AK8: variants seen among roughly 807,000 people sequenced by gnomAD.
AK8 encodes ATP-AMP transphosphorylase 8.
AK8 carries 44 observed loss-of-function variants against 54.6 expected under a neutral mutation model. That is an observed-to-expected ratio of 0.81 (90% CI 0.63 to 1.04). The LOEUF (loss-of-function observed/expected upper bound fraction) is 1.04. Ranked by LOEUF, AK8 falls within the 50% of genes least tolerant of loss-of-function variation. AK8 has a pLI of 0.00. For synonymous variants in AK8, 239 were observed against 245.6 expected, an observed-to-expected ratio of 0.97 and a Z score of 0.25; for missense variants, 555 against 613.6, an observed-to-expected ratio of 0.90 and a Z score of 1.01.
chr9:132,871,565 G>A (rs1843833385), intron 2 of AK8, among the ~76,000 whole-genome samples: 1 of 152,222 alleles, frequency 6.6e-6, no homozygotes, highest in Non-Finnish European at 1.5e-5. Context: ...AGAGCATCCG[G>A]GCAAAAAGCT....
intron 11 of AK8, among the ~76,000 whole-genome samples, chr9:132,734,806 G>T (rs999265067): frequency 6.6e-6 from 1 of 152,102 alleles, no homozygotes; most frequent in Admixed American, 6.5e-5. Flanking sequence ...GAGATGGACG[G>T]ATCACCTGAG....
chr9:132,851,185 G>A (rs1385167284), intron 5 of AK8, among the ~76,000 whole-genome samples: 1 of 152,202 alleles, frequency 6.6e-6, no homozygotes, highest in Admixed American at 6.5e-5. Flanking sequence ...ACCTCTGTGG[G>A]GTTTTTCTTT....
intron 11 of AK8, among the ~76,000 whole-genome samples, chr9:132,776,586 G>C (rs1839229868): frequency 6.6e-6 from 1 of 152,236 alleles, no homozygotes. Flanking sequence ...AGCTGTGCCA[G>C]CAGAGCTCTG....
intron 2 of AK8, among the ~76,000 whole-genome samples, chr9:132,872,204 C>G (rs1843870818): frequency 6.6e-6 from 1 of 152,030 alleles, no homozygotes; most frequent in Admixed American, 6.5e-5. Context: ...GGCGCAGTAG[C>G]ATGCACCTGT....
At chr9:132,857,595 GC>G (rs1843225003) in intron 4 of AK8, among the ~76,000 whole-genome samples, 1 of 152,062 alleles carries the variant, frequency 6.6e-6, no homozygotes, top group African/African-American at 2.4e-5. Flanking sequence ...CCCAGGCACA[GC>G]CAATTTCCAT....
chr9:132,796,447 A>T (rs1343967678), intron 10 of AK8, among the ~76,000 whole-genome samples: 1 of 152,224 alleles, frequency 6.6e-6, no homozygotes, highest in Non-Finnish European at 1.5e-5. Flanking sequence ...ATTTCTAAGA[A>T]CTTGAACCTA....
intron 11 of AK8, among the ~76,000 whole-genome samples, chr9:132,768,382 C>A (rs1838811910): frequency 6.6e-6 from 1 of 152,018 alleles, no homozygotes; most frequent in Non-Finnish European, 1.5e-5. Flanking sequence ...ATGCTCCTGC[C>A]TCAGTCTCCC....
Position 132,878,048 on chromosome 9 carries a change from G to C in AK8, c.84+124C>G, listed in dbSNP as rs1362622915. ...CGGCGACACACGAATCGTACATCCCGAGTTGGGCTGCTTCGTGGGCGCGCG... is the reference window on the plus strand; with the variant it reads ...CGGCGACACACGAATCGTACATCCCCAGTTGGGCTGCTTCGTGGGCGCGCG... On this transcript the variant is annotated intron_variant, in intron 1 of 12. Transcript: ENST00000298545. This position sits in a 1 kb window ranked among gnomAD's most constrained non-coding sequence, Gnocchi z 4.7. The C allele has an allele frequency of 2.6e-6, 4 of 1,537,512 alleles. No individual in the cohort carries two copies. The highest frequency in any genetic ancestry group is 2.0e-5 in the Admixed American group (1 of 50,646).
chr9:132,727,483 C>G lies in AK8; in HGVS notation c.1173G>C (p.Leu391=). ...CCCCAGTGACTGGATCAATTCTTCTCAGAGTCAGCCGCTCCATGATGGAAT... is the reference window on the plus strand; with the variant it reads ...CCCCAGTGACTGGATCAATTCTTCTGAGAGTCAGCCGCTCCATGATGGAAT... The part of the protein sequence containing the change: ...PFDSIMERLT[L]RRIDPVTGER... The change falls in exon 12 of 13, where the codon CTG becomes CTC. Residue 391 remains leucine, a synonymous_variant. Coordinates refer to ENST00000298545, the MANE Select transcript of AK8 (RefSeq NM_152572.3). 1 of 1,614,100 alleles carries G rather than the reference C, an allele frequency of 6.2e-7. No homozygotes were observed.
intron 5 of AK8, among the ~76,000 whole-genome samples, chr9:132,839,832 C>A (rs919695931): frequency 2.0e-5 from 2 of 99,706 alleles, no homozygotes; most frequent in Non-Finnish European, 4.1e-5. Context: ...GGGGGGGGGG[C>A]GCAGGGACGG....
chr9:132,780,534 C>G (rs1218404676), intron 11 of AK8, among the ~76,000 whole-genome samples: 1 of 152,206 alleles, frequency 6.6e-6, no homozygotes, highest in Non-Finnish European at 1.5e-5. Context: ...CACTGCCTTT[C>G]CAGGGACAAC....
intron 5 of AK8, among the ~76,000 whole-genome samples, chr9:132,849,853 C>T (rs866915808): frequency 4.6e-5 from 7 of 151,666 alleles, no homozygotes; most frequent in Non-Finnish European, 7.4e-5. Context: ...TCAAGCGATT[C>T]TCCTGCCTCA....
intron 11 of AK8, 136 bp downstream of exon 11, chr9:132,792,498 G>T: frequency 7.8e-7 from 1 of 1,280,562 alleles, no homozygotes; most frequent in Non-Finnish European, 1.0e-6. Flanking sequence ...GGATGGGTGG[G>T]AATGGGGATG....
At chr9:132,827,535 C>A (rs989152944) in intron 7 of AK8, 19 of 212,206 alleles carry the variant, frequency 9.0e-5, no homozygotes, top group African/African-American at 2.3e-4. Flanking sequence ...CGTCTCCCCC[C>A]ACCCTCCCGC....
At position 132,807,880 on chromosome 9, in the gene AK8, C is replaced by T. The variant is rs149452216; in HGVS notation, c.979+6758G>A. 3.1e-3 allele frequency among the ~76,000 whole-genome samples: 477 copies of T among 151,998 alleles called. 4 individuals are homozygous for T. The highest frequency in any genetic ancestry group is 2.6e-3 in the Non-Finnish European group (179 of 68,002). ...GAATTCAGAAATTTCAAACACACTT[C>T]GGTAGGAATGGAGCTATGGGGAAGG... On this transcript the variant is annotated intron_variant, in intron 10 of 12. Coordinates refer to ENST00000298545, the MANE Select transcript of AK8 (RefSeq NM_152572.3).
At chr9:132,818,105 T>C (rs1227691552) in intron 9 of AK8, among the ~76,000 whole-genome samples, 1 of 152,234 alleles carries the variant, frequency 6.6e-6, no homozygotes, top group South Asian at 2.1e-4. Context: ...CATAGATTTC[T>C]ATATGCAGCC....
chr9:132,788,087 G>A (rs1839792208), intron 11 of AK8, among the ~76,000 whole-genome samples: 1 of 152,042 alleles, frequency 6.6e-6, no homozygotes, highest in Admixed American at 6.6e-5. Flanking sequence ...GACTTTGTGG[G>A]AAATTGTTCT....
At chr9:132,827,792 G>A (rs1483160789) in intron 7 of AK8, 1 of 545,352 alleles carries the variant, frequency 1.8e-6, no homozygotes, top group Non-Finnish European at 3.2e-6. Context: ...TCTGCCACAA[G>A]AAAGTCTCCT....
chr9:132,816,552 G>A (rs534960868), intron 9 of AK8, among the ~76,000 whole-genome samples: 2 of 152,236 alleles, frequency 1.3e-5, no homozygotes, highest in South Asian at 2.1e-4. Context: ...AAGGGGCAGA[G>A]CTGGGGTCCA....
Sources: allele counts gnomAD v4.1 joint callset (sites outside exome capture counted in the v4.1 genomes callset), GRCh38; gene constraint gnomAD v4.1.1; non-coding constraint Gnocchi (gnomAD v3.1); transcripts MANE v1.5; gene names NCBI Gene and HGNC (gene_info 2026-07-23, HGNC 2026-07-21).